The following LMO7 variants were observed in gnomAD, a reference collection of about 807,000 sequenced individuals.
LMO7 encodes LIM domain 7.
Under a neutral mutation model 206.5 loss-of-function variants are expected in LMO7, and 120 were observed. The ratio of observed to expected loss-of-function variants is 0.58; its 90% CI spans 0.50 to 0.68. LMO7 has a LOEUF of 0.68. Ranked by LOEUF, LMO7 falls within the 30% of genes least tolerant of loss-of-function variation. The pLI is 0.00. For missense variants in LMO7, 1,959 were observed against 1,957.9 expected, an observed-to-expected ratio of 1.00 and a Z score of -0.01; for synonymous variants, 706 against 681.5, an observed-to-expected ratio of 1.04 and a Z score of -0.56.
In LMO7 at chr13:75,716,995, A is replaced by T. The variant is rs1057097341; in HGVS notation, c.140+3743A>T. Among the ~76,000 whole-genome samples, 7 of 151,550 alleles carry T rather than the reference A, an allele frequency of 4.6e-5. 1 individual carries two copies. The South Asian group carries it at 8.3e-4, about 18-fold the overall frequency. ...TCAGTCTGTACCTCCCATCCCTGGA[A>T]TGATCCCAAGTCTCTGCCACAGTCA... On this transcript the variant is annotated intron_variant, in intron 2 of 30. Coordinates refer to ENST00000377534, the MANE Select transcript of LMO7 (RefSeq NM_001306080.2).
rs773606819 is a variant in LMO7, at chr13:75,805,499, G to A, written c.935G>A (p.Gly312Asp). The A allele has an allele frequency of 6.2e-7, 1 of 1,613,904 alleles. No individual in the cohort carries two copies. The highest frequency in any genetic ancestry group is 8.5e-7 in the Non-Finnish European group (1 of 1,179,796). The change falls in exon 9 of 31, where the codon GGC (glycine) becomes GAC (aspartate). Residue 312 changes from glycine (G) to aspartate (D), a missense_variant. Coordinates refer to ENST00000377534, the MANE Select transcript of LMO7 (RefSeq NM_001306080.2). ...TFSSNQRRIW[G>D]TNVENWPTVQ... Reference sequence around the variant, plus strand: ...AACAGTAATCAGAGGAGGATTTGGGGCACCAATGTGGAGAACTGGCCAACT... The same window carrying A: ...AACAGTAATCAGAGGAGGATTTGGGACACCAATGTGGAGAACTGGCCAACT...
chr13:75,803,493 G>A (rs1365355730), intron 7 of LMO7, among the ~76,000 whole-genome samples: 3 of 152,138 alleles, frequency 2.0e-5, no homozygotes, highest in Middle Eastern at 3.2e-3. Context: ...CTGTAGTGTT[G>A]TTCTCCCCCC....
chr13:75,733,734 C>G (rs902557324), intron 3 of LMO7, among the ~76,000 whole-genome samples: 5 of 152,220 alleles, frequency 3.3e-5, no homozygotes, highest in Non-Finnish European at 7.3e-5. Flanking sequence ...ATGCTGGGAG[C>G]TGTAGACTTG....
At chr13:75,664,743 C>G (rs1266767501) in intron 1 of LMO7, among the ~76,000 whole-genome samples, 1 of 152,180 alleles carries the variant, frequency 6.6e-6, no homozygotes, top group Non-Finnish European at 1.5e-5. Context: ...GTGAGATGAT[C>G]TCTCCTTGTA....
At chr13:75,856,079 CTG>C (rs2060911287) in intron 29 of LMO7, among the ~76,000 whole-genome samples, 1 of 152,168 alleles carries the variant, frequency 6.6e-6, no homozygotes, top group East Asian at 1.9e-4. Flanking sequence ...AAGTGAGGCG[CTG>C]TGTGGGAACA....
chr13:75,684,840 T>TACAC (rs10617955), intron 1 of LMO7, among the ~76,000 whole-genome samples: 1 of 151,258 alleles, frequency 6.6e-6, no homozygotes, highest in African/African-American at 2.4e-5. Context: ...CACACGCACA[T>TACAC]ACACACACAC....
At chr13:75,835,452 T>A (rs2059039618) in intron 18 of LMO7, 113 bp downstream of exon 18, 1 of 612,920 alleles carries the variant, frequency 1.6e-6, no homozygotes, top group Non-Finnish European at 2.7e-6. Flanking sequence ...AACTTTAAAA[T>A]GTAAATGATT....
intron 1 of LMO7, among the ~76,000 whole-genome samples, chr13:75,674,587 C>T (rs897005068): frequency 1.3e-5 from 2 of 152,140 alleles, no homozygotes; most frequent in African/African-American, 4.8e-5. Flanking sequence ...TCAGAATGCT[C>T]CCGTGTGTTG....
chr13:75,836,265 G>A (rs572008845), intron 18 of LMO7, 132 bp from the exon 19 acceptor site: 2 of 582,356 alleles, frequency 3.4e-6, no homozygotes, highest in African/African-American at 2.0e-5. Context: ...ACATGTAAAA[G>A]GCTGTAAGGA....
At chr13:75,785,819 T>C (rs530748163) in intron 4 of LMO7, among the ~76,000 whole-genome samples, 1 of 152,204 alleles carries the variant, frequency 6.6e-6, no homozygotes, top group Non-Finnish European at 1.5e-5. Flanking sequence ...AATATCATGA[T>C]CCTAAAGACT....
At chr13:75,738,423 A>T (rs187066157) in intron 3 of LMO7, among the ~76,000 whole-genome samples, 35 of 152,338 alleles carry the variant, frequency 2.3e-4, no homozygotes, top group African/African-American at 8.4e-4. Flanking sequence ...AAATATATTG[A>T]ATGCTTTGCT....
intron 1 of LMO7, among the ~76,000 whole-genome samples, chr13:75,679,422 C>T (rs1170379601): frequency 6.6e-6 from 1 of 152,158 alleles, no homozygotes; most frequent in African/African-American, 2.4e-5. Flanking sequence ...GAGTAAGACT[C>T]AGATGAAAAA....
intron 1 of LMO7, among the ~76,000 whole-genome samples, chr13:75,665,790 G>A (rs958374206): frequency 1.3e-5 from 2 of 152,166 alleles, no homozygotes; most frequent in African/African-American, 4.8e-5. Context: ...GCCTCCCAAA[G>A]TGCTGGGATT....
chr13:75,722,004 A>G (rs980367799), intron 2 of LMO7, among the ~76,000 whole-genome samples: 1 of 152,222 alleles, frequency 6.6e-6, no homozygotes, highest in Non-Finnish European at 1.5e-5. Flanking sequence ...GGCAAGCCAC[A>G]TGTAGAAGAA....
chr13:75,632,775 G>A (rs538137593), upstream of LMO7, among the ~76,000 whole-genome samples: 5 of 151,550 alleles, frequency 3.3e-5, no homozygotes, highest in Non-Finnish European at 7.4e-5. Flanking sequence ...GGACTGAATA[G>A]TGCATAGGAT....
intron 2 of LMO7, among the ~76,000 whole-genome samples, chr13:75,725,068 A>G (rs1183785217): frequency 6.6e-6 from 1 of 151,974 alleles, no homozygotes; most frequent in African/African-American, 2.4e-5. Flanking sequence ...TATCTTTTCT[A>G]TTTCCTTTAC....
At chr13:75,634,905 C>A (rs1412275046), upstream of LMO7, among the ~76,000 whole-genome samples, 2 of 151,960 alleles carry the variant, frequency 1.3e-5, no homozygotes, top group African/African-American at 2.4e-5. Context: ...GCTCGAGAGG[C>A]TAAGGCAAGA....
chr13:75,722,331 C>G (rs1216253708), intron 2 of LMO7, among the ~76,000 whole-genome samples: 1 of 152,094 alleles, frequency 6.6e-6, no homozygotes, highest in African/African-American at 2.4e-5. Context: ...CTGTAATCTA[C>G]AGGGAACTCA....
chr13:75,754,381 C>A (rs1476618785), intron 3 of LMO7, among the ~76,000 whole-genome samples: 1 of 152,128 alleles, frequency 6.6e-6, no homozygotes, highest in Non-Finnish European at 1.5e-5. Context: ...TATGGATAGA[C>A]CACAACATGT....
Sources: gnomAD v4.1 joint callset for allele counts (sites outside exome capture counted in the v4.1 genomes callset) on GRCh38, gnomAD v4.1.1 for gene constraint, MANE v1.5 for transcripts, NCBI Gene and HGNC (gene_info 2026-07-23, HGNC 2026-07-21) for gene names.